PXDN: variants seen among roughly 807,000 people sequenced by gnomAD.
PXDN encodes the protein peroxidasin, also known as peroxidasin homolog.
PXDN carries 77 observed loss-of-function variants against 140.3 expected under a neutral mutation model. The observed-to-expected ratio is 0.55, with a 90% CI of 0.46 to 0.66. The LOEUF (loss-of-function observed/expected upper bound fraction) is 0.66. Among genes scored for constraint, PXDN ranks in the 30% least tolerant of loss-of-function variants. The probability of loss-of-function intolerance (pLI) is 0.00; values close to 1 mark genes in which losing one functional copy is unlikely to be tolerated. For missense variants in PXDN, 1,838 were observed against 2,039.5 expected (o/e 0.90, Z 1.90); for synonymous variants, 911 against 857.4 (o/e 1.06, Z -1.09).
chr2:1,648,304 A>G lies in PXDN; in HGVS notation c.3476T>C (p.Ile1159Thr). ...TVALDLAAIN[I>T]QRGRDHGIPP... Reference sequence around the variant, plus strand: ...GATCCCGTGGTCCCGGCCCCGCTGGATGTTGATGGCCGCCAGGTCCAGAGC... The same window carrying G: ...GATCCCGTGGTCCCGGCCCCGCTGGGTGTTGATGGCCGCCAGGTCCAGAGC... The change falls in exon 17 of 23, where the codon ATC becomes ACC. Residue 1159 changes from isoleucine to threonine, a missense_variant. Ile to Thr is a moderately conservative substitution (Grantham distance 89). Around this residue, in one of 5 missense-constraint regions of PXDN, gnomAD observed 850 missense variants for 894.1 expected, o/e 0.95. Transcript: ENST00000252804. The surrounding 1 kb of genome is among the most constrained non-coding windows in gnomAD (Gnocchi z 8.9). The G allele has an allele frequency of 6.2e-7, 1 of 1,613,734 alleles. No homozygotes were observed.
chr2:1,680,060 GT>G, intron 7 of PXDN, 132 bp downstream of exon 7: 1 of 1,177,412 alleles, frequency 8.5e-7, no homozygotes, highest in Non-Finnish European at 1.2e-6. Context: ...CTGCGCGTGT[GT>G]CTATAAATGG....
chr2:1,723,085 T>G (rs771635281), intron 1 of PXDN, among the ~76,000 whole-genome samples: 1 of 152,062 alleles, frequency 6.6e-6, no homozygotes, highest in Non-Finnish European at 1.5e-5. Context: ...GATGGATGAA[T>G]AGATGGATGA....
intron 1 of PXDN, 150 bp downstream of exon 1, chr2:1,744,106 A>C (rs534258973): frequency 5.8e-6 from 5 of 864,628 alleles, no homozygotes; most frequent in South Asian, 5.3e-5. Flanking sequence ...CCCCCTTCGG[A>C]GGTTCCCTTC....
At chr2:1,725,891 C>T (rs537912617) in intron 1 of PXDN, among the ~76,000 whole-genome samples, 1 of 151,932 alleles carries the variant, frequency 6.6e-6, no homozygotes, top group African/African-American at 2.4e-5. Flanking sequence ...CCATCTCCCA[C>T]CAGTTAGAAT....
In PXDN at chr2:1,667,797, CAG is replaced by C. The variant is rs369320577; in HGVS notation, c.1019-1313_1019-1312del. ...ACTACAAACCACTGCTCAAGGAAATCAGAGAGGATACAAACAAATGGAAAAAC... is the reference window on the plus strand; with the variant it reads ...ACTACAAACCACTGCTCAAGGAAATCAGAGGATACAAACAAATGGAAAAAC... On this transcript the variant is annotated intron_variant, in intron 9 of 22. Coordinates refer to ENST00000252804, the MANE Select transcript of PXDN (RefSeq NM_012293.3). Among the ~76,000 whole-genome samples, 859 of 152,156 alleles carry C rather than the reference CAG, an allele frequency of 5.6e-3. 5 individuals are homozygous for C. The highest frequency in any genetic ancestry group is 0.019 in the African/African-American group (787 of 41,512).
Position 1,648,493 on chromosome 2 carries a change from AG to A in PXDN, c.3286del (p.Leu1096SerfsTer14). ...ENFQPIAQDHLPLHKAFFSPF... is the reference protein window; with the variant it reads ...ENFQPIAQDHXPLHKAFFSPF... ...AGAGAAGAAAGCTTTGTGAAGGGGG[AG>A]GTGATCTTGTGCAATGGGCTGGAAG... On this transcript the variant is annotated frameshift_variant, in exon 17 of 23. Transcript: ENST00000252804. LOFTEE classifies it high-confidence loss of function. The surrounding 1 kb of genome is among the most constrained non-coding windows in gnomAD (Gnocchi z 8.9). The A allele has an allele frequency of 6.2e-7, 1 of 1,611,558 alleles. No individual in the cohort carries two copies. The highest frequency in any genetic ancestry group is 8.5e-7 in the Non-Finnish European group (1 of 1,179,764).
intron 1 of PXDN, among the ~76,000 whole-genome samples, chr2:1,723,157 G>GA (rs1453891769): frequency 1.3e-5 from 2 of 151,904 alleles, no homozygotes; most frequent in African/African-American, 4.8e-5. Context: ...TGGCTGACTG[G>GA]AAAATGGATG....
At chr2:1,662,299 G>A in intron 12 of PXDN, 115 bp from the exon 13 acceptor site, 2 of 888,630 alleles carry the variant, frequency 2.3e-6, no homozygotes, top group Non-Finnish European at 3.6e-6. Context: ...GGAGCTCACA[G>A]TCAGTTTCAG....
chr2:1,715,338 A>G (rs1411575552), intron 1 of PXDN, among the ~76,000 whole-genome samples: 1 of 152,174 alleles, frequency 6.6e-6, no homozygotes, highest in Non-Finnish European at 1.5e-5. Context: ...TGTCCGGGAA[A>G]ATACTGCAGG....
At chr2:1,715,239 G>C (rs1402429021) in intron 1 of PXDN, among the ~76,000 whole-genome samples, 3 of 152,110 alleles carry the variant, frequency 2.0e-5, no homozygotes, top group African/African-American at 7.2e-5. Flanking sequence ...AGGACAGTGG[G>C]GTCATGAGAG....
chr2:1,729,646 G>A (rs12615565), intron 1 of PXDN, among the ~76,000 whole-genome samples: 64,501 of 151,880 alleles, frequency 0.42, 14,292 homozygotes, highest in Admixed American at 0.56. Context: ...CAAATCTCAG[G>A]ATTCACCACT....
intron 19 of PXDN, among the ~76,000 whole-genome samples, chr2:1,641,453 T>C (rs867765917): frequency 1.3e-5 from 2 of 152,188 alleles, no homozygotes; most frequent in Non-Finnish European, 2.9e-5. Flanking sequence ...CAGCCCCCAA[T>C]GTGTCTTTTT....
rs1471509812 is a variant in PXDN at position 1,644,686 on chromosome 2, G to A, written c.3675C>T (p.Gly1225=). Residue 1225 remains glycine (G), a synonymous_variant, in exon 18 of 23, where the codon GGC becomes GGT. Coordinates refer to ENST00000252804, the MANE Select transcript of PXDN (RefSeq NM_012293.3). ...PALVVEDLVP[G]SRLGPTLMCL... Reference sequence around the variant, plus strand: ...ACATCAGGGTGGGGCCCAGCCGGCTGCCAGGCACCAGGTCCTCCACCACGA... The same window carrying A: ...ACATCAGGGTGGGGCCCAGCCGGCTACCAGGCACCAGGTCCTCCACCACGA... The A allele has an allele frequency of 4.4e-6, 7 of 1,604,838 alleles. No individual in the cohort carries two copies. The African/African-American group carries it at 8.0e-5, about 18-fold the overall frequency.
At chr2:1,667,910 T>C (rs1683483862) in intron 9 of PXDN, among the ~76,000 whole-genome samples, 1 of 152,194 alleles carries the variant, frequency 6.6e-6, no homozygotes, top group Non-Finnish European at 1.5e-5. Context: ...GCTACTCCCA[T>C]CAAGCTACCA....
chr2:1,714,106 C>T lies in PXDN; in HGVS notation c.201-20972G>A, dbSNP rs959079436. ...ATAAACAGCTTCAAGAAAGCGCATC[C>T]GTCACCTTTGGTGACTTCCCCGCCA... On this transcript the variant is annotated intron_variant, in intron 1 of 22. Coordinates refer to ENST00000252804, the MANE Select transcript of PXDN (RefSeq NM_012293.3). The surrounding 1 kb of genome is among the most constrained non-coding windows in gnomAD (Gnocchi z 4.3). Among the ~76,000 whole-genome samples, 4 of 152,222 alleles carry T rather than the reference C, an allele frequency of 2.6e-5. No individual in the cohort carries two copies. The highest frequency in any genetic ancestry group is 6.5e-5 in the Admixed American group (1 of 15,292).
At chr2:1,743,219 G>A (rs769345336) in intron 1 of PXDN, among the ~76,000 whole-genome samples, 2 of 152,200 alleles carry the variant, frequency 1.3e-5, no homozygotes, top group Non-Finnish European at 2.9e-5. Flanking sequence ...CCGTGACGCG[G>A]GACGGCCCGC....
Position 1,633,048 on chromosome 2 carries a change from C to T in PXDN, c.*1156G>A, listed in dbSNP as rs991492847. On this transcript the variant is annotated 3_prime_UTR_variant, in exon 23 of 23. Transcript: ENST00000252804. ...AGGTATGAGAGTTGATTTTCACTGA[C>T]GTCTAAAAGAACTTTGCATAGTGGA... The T allele has an allele frequency of 8.5e-5, 13 of 152,512 alleles. No individual in the cohort carries two copies. Among genetic ancestry groups the T allele is most frequent in the African/African-American group, 2.9e-4 (12 of 41,492 alleles). The allele number at this position is 152,512 out of a possible 1,614,324, so 9.4% of individuals were successfully genotyped here. A position where few individuals can be genotyped will look rare whatever the true frequency, so the allele number is the denominator to read the frequency against.
intron 22 of PXDN, 81 bp from the exon 23 acceptor site, chr2:1,634,404 T>C (rs1171415430): frequency 4.0e-5 from 59 of 1,478,850 alleles, no homozygotes; most frequent in Non-Finnish European, 5.3e-5. Context: ...CCGGGACAGG[T>C]GTCAGCCACG....
chr2:1,744,472 G>C lies in PXDN; in HGVS notation c.-17C>G, dbSNP rs1173351976. The C allele has an allele frequency of 1.4e-6, 2 of 1,431,044 alleles. No homozygotes were observed. The highest frequency in any genetic ancestry group is 2.9e-5 in the Admixed American group (1 of 34,936). 88.6% of individuals were successfully genotyped at this position (1,431,044 alleles called of 1,614,324 possible). A position where few individuals can be genotyped will look rare whatever the true frequency, so the allele number is the denominator to read the frequency against. On this transcript the variant is annotated 5_prime_UTR_variant, in exon 1 of 23. Transcript: ENST00000252804. Reference sequence around the variant, plus strand: ...CTTGGCCATGGCCGACGGCGCGGACGGACGCTCGGACGCACGGAGCCACCA... The same window carrying C: ...CTTGGCCATGGCCGACGGCGCGGACCGACGCTCGGACGCACGGAGCCACCA...
Sources: allele counts gnomAD v4.1 joint callset (sites outside exome capture counted in the v4.1 genomes callset), GRCh38; gene constraint gnomAD v4.1.1; regional missense constraint gnomAD v4.1.1; non-coding constraint Gnocchi (gnomAD v3.1); transcripts MANE v1.5; gene names NCBI Gene and HGNC (gene_info 2026-07-23, HGNC 2026-07-21).